LNX1: variants seen among roughly 807,000 people sequenced by gnomAD.
LNX1 encodes ligand of numb-protein X 1.
In LNX1, 54 loss-of-function variants were observed where a neutral mutation model predicts 68.4. The observed-to-expected ratio is 0.79, with a 90% CI of 0.63 to 0.99. LNX1 has a LOEUF of 0.99. Among genes scored for constraint, LNX1 ranks in the 50% least tolerant of loss-of-function variants. The probability of loss-of-function intolerance (pLI) is 0.00; values close to 1 mark genes in which losing one functional copy is unlikely to be tolerated. For synonymous variants in LNX1, 336 were observed against 350.0 expected (o/e 0.96, Z 0.45); for missense variants, 906 against 926.4 (o/e 0.98, Z 0.29).
chr4:53,536,987 T>C (rs1422012559), intron 2 of LNX1, among the ~76,000 whole-genome samples: 1 of 152,228 alleles, frequency 6.6e-6, no homozygotes, highest in Non-Finnish European at 1.5e-5. Context: ...GATTTCTAAT[T>C]ACTTAGGAAA....
At position 53,478,652 on chromosome 4, in the gene LNX1, C is replaced by T. The variant is rs1415282636; in HGVS notation, c.1576G>A (p.Ala526Thr). ...ESLGMTVAGGASHREWDLPIY... is the reference protein window; with the variant it reads ...ESLGMTVAGGTSHREWDLPIY... ...GGCAAATCCCATTCTCTATGTGATGCTCCCCCTGCGACGGTCATGCCGAGA... is the reference window on the plus strand; with the variant it reads ...GGCAAATCCCATTCTCTATGTGATGTTCCCCCTGCGACGGTCATGCCGAGA... Residue 526 changes from alanine (A) to threonine (T), a missense_variant, in exon 8 of 11, where the codon GCA (alanine) becomes ACA (threonine). Ala to Thr is a moderately conservative substitution (Grantham distance 58). Coordinates refer to ENST00000263925, the MANE Select transcript of LNX1 (RefSeq NM_001126328.3). The T allele has an allele frequency of 6.8e-6, 11 of 1,614,068 alleles. No homozygotes were observed. The highest frequency in any genetic ancestry group is 5.0e-5 in the Admixed American group (3 of 60,018).
intron 1 of LNX1, among the ~76,000 whole-genome samples, chr4:53,645,753 A>G (rs1168931580): frequency 1.3e-5 from 2 of 152,178 alleles, no homozygotes; most frequent in African/African-American, 4.8e-5. Context: ...TAGGTGAAGT[A>G]TGCCACTAGA....
At chr4:53,620,062 G>A (rs553878676), upstream of LNX1, among the ~76,000 whole-genome samples, 1 of 152,322 alleles carries the variant, frequency 6.6e-6, no homozygotes, top group South Asian at 2.1e-4. Context: ...GAAACACATT[G>A]TGGCTTTTGT....
chr4:53,619,456 C>T (rs773105609), upstream of LNX1, among the ~76,000 whole-genome samples: 1 of 152,032 alleles, frequency 6.6e-6, no homozygotes, highest in Non-Finnish European at 1.5e-5. Flanking sequence ...AATATGTGGC[C>T]TTTGTGTCAG....
chr4:53,634,371 G>A (rs4864806), intron 1 of LNX1, among the ~76,000 whole-genome samples: 15,627 of 151,586 alleles, frequency 0.1, 1,113 homozygotes, highest in African/African-American at 0.21. Context: ...AGTCTCCCGA[G>A]TAGCTGGGAC....
Position 53,460,942 on chromosome 4 carries a change from G to T in LNX1, c.2152C>A (p.Leu718Ile), listed in dbSNP as rs1276969011. The part of the protein sequence containing the change: ...LLKELKGRIT[L>I]TIVSWPGTFL ...GTGCCAGGCCAAGAAACAATAGTTAGAGTAATTCTTCCTTTAAGTTCTTTC... is the reference window on the plus strand; with the variant it reads ...GTGCCAGGCCAAGAAACAATAGTTATAGTAATTCTTCCTTTAAGTTCTTTC... The change falls in exon 11 of 11, where the codon CTA (leucine) becomes ATA (isoleucine). Residue 718 changes from leucine (L) to isoleucine (I), a missense_variant. Transcript: ENST00000263925. The T allele has an allele frequency of 6.2e-6, 10 of 1,610,716 alleles. No homozygotes were observed. The highest frequency in any genetic ancestry group is 1.3e-5 in the African/African-American group (1 of 74,630).
intron 9 of LNX1, among the ~76,000 whole-genome samples, chr4:53,466,702 G>T (rs777517173): frequency 6.6e-6 from 1 of 152,234 alleles, no homozygotes; most frequent in Non-Finnish European, 1.5e-5. Context: ...CCCGCACCTG[G>T]CTCGGAGGGT....
At chr4:53,561,005 TA>T (rs1412670959) in intron 2 of LNX1, among the ~76,000 whole-genome samples, 1 of 152,216 alleles carries the variant, frequency 6.6e-6, no homozygotes, top group Non-Finnish European at 1.5e-5. Context: ...TGTTTATCCT[TA>T]AATGTTATCT....
At chr4:53,472,895 G>A (rs547168495) in intron 9 of LNX1, among the ~76,000 whole-genome samples, 3 of 152,154 alleles carry the variant, frequency 2.0e-5, no homozygotes, top group East Asian at 3.9e-4. Flanking sequence ...AAAGGCTAAG[G>A]TGAAATAACC....
intron 2 of LNX1, among the ~76,000 whole-genome samples, chr4:53,518,815 C>T (rs797003655): frequency 1.1e-4 from 16 of 152,198 alleles, no homozygotes; most frequent in African/African-American, 3.6e-4. Context: ...TAACATGGGA[C>T]GTAGGGAAAA....
chr4:53,614,984 T>TCTC lies in LNX1; in HGVS notation c.-215+1532_-215+1533insGAG, dbSNP rs1176810404. Among the ~76,000 whole-genome samples, 6 of 123,600 alleles carry TCTC rather than the reference T, an allele frequency of 4.9e-5. No homozygotes were observed. In the East Asian group the frequency reaches 1.6e-3, roughly 33 times the overall value. 81.1% of individuals were successfully genotyped at this position (123,600 alleles called of 152,430 possible). On this transcript the variant is annotated intron_variant, in intron 2 of 3. Transcript: ENST00000504299. ...GAGCTATTCCGAAATTTGTTCATCT[T>TCTC]TGAACACCGAGAATGAGAATAAAAT... is the stretch of plus-strand genomic sequence containing the variant.
chr4:53,470,779 C>G (rs1391241696), intron 9 of LNX1, among the ~76,000 whole-genome samples: 1 of 152,040 alleles, frequency 6.6e-6, no homozygotes, highest in East Asian at 1.9e-4. Context: ...ATCCAACTTA[C>G]AAGGGACGTG....
At chr4:53,496,434 GCCACAACC>G in intron 5 of LNX1, 40 bp from the exon 6 acceptor site, 1 of 1,549,098 alleles carries the variant, frequency 6.5e-7, no homozygotes, top group Non-Finnish European at 8.7e-7. Context: ...AGCTCCACCT[GCCACAACC>G]CTTCCTGAAA....
chr4:53,495,985 G>A (rs1172165760), intron 6 of LNX1, 38 bp downstream of exon 6: 1 of 1,586,000 alleles, frequency 6.3e-7, no homozygotes, highest in Admixed American at 1.7e-5. Context: ...TCATGTCCGG[G>A]GTTTCTGACT....
intron 1 of LNX1, among the ~76,000 whole-genome samples, chr4:53,651,179 G>A (rs765251107): frequency 4.6e-5 from 7 of 152,144 alleles, no homozygotes; most frequent in Non-Finnish European, 8.8e-5. Flanking sequence ...GTAAGCAAAT[G>A]TTCACTCAAC....
At chr4:53,466,336 G>A (rs1346210510) in intron 9 of LNX1, among the ~76,000 whole-genome samples, 1 of 152,082 alleles carries the variant, frequency 6.6e-6, no homozygotes, top group Non-Finnish European at 1.5e-5. Context: ...AAATTTAAAT[G>A]ATCGTAAAAA....
At chr4:53,490,742 G>A (rs1242527756) in intron 6 of LNX1, among the ~76,000 whole-genome samples, 7 of 152,158 alleles carry the variant, frequency 4.6e-5, no homozygotes, top group Non-Finnish European at 7.4e-5. Context: ...CCAAGGATTG[G>A]TTAGAAATTT....
At chr4:53,465,293 G>A (rs183405900) in intron 9 of LNX1, among the ~76,000 whole-genome samples, 4 of 152,290 alleles carry the variant, frequency 2.6e-5, no homozygotes, top group Non-Finnish European at 1.5e-5. Flanking sequence ...ATTTTTGACA[G>A]AACTTCTCTT....
chr4:53,500,562 C>T (rs768729947), intron 4 of LNX1: 3 of 152,162 alleles, frequency 2.0e-5, no homozygotes, highest in Admixed American at 1.3e-4. Context: ...AATAAGTACT[C>T]AACTCTCTAA....
Sources: gnomAD v4.1 joint callset for allele counts (sites outside exome capture counted in the v4.1 genomes callset) on GRCh38, gnomAD v4.1.1 for gene constraint, MANE v1.5 for transcripts, NCBI Gene and HGNC (gene_info 2026-07-23, HGNC 2026-07-21) for gene names.